The following ERP44 variants were observed in gnomAD, a reference collection of about 807,000 sequenced individuals.
ERP44 encodes the protein endoplasmic reticulum protein 44.
A neutral mutation model predicts 53.4 loss-of-function variants in ERP44; 25 were observed. That is an observed-to-expected ratio of 0.47 (90% CI 0.34 to 0.65). The LOEUF (loss-of-function observed/expected upper bound fraction) is 0.65, where lower values mean the gene tolerates loss of function less well. Among genes scored for constraint, ERP44 ranks in the 30% least tolerant of loss-of-function variants. The pLI, the probability that ERP44 is intolerant of heterozygous loss-of-function variation, is 0.01. For synonymous variants in ERP44, 145 were observed against 161.2 expected, an observed-to-expected ratio of 0.90 and a Z score of 0.76; for missense variants, 338 against 493.2, an observed-to-expected ratio of 0.69 and a Z score of 2.98.
At chr9:100,049,565 CCACTT>C (rs1284583177) in intron 4 of ERP44, among the ~76,000 whole-genome samples, 4 of 152,232 alleles carry the variant, frequency 2.6e-5, no homozygotes, top group East Asian at 1.9e-4. Context: ...CAAGGAGACA[CCACTT>C]CACACATATT....
In ERP44 at chr9:100,063,092, A is replaced by AAG. The variant is rs1554709799; in HGVS notation, c.58-2922_58-2921dup. 9.6e-4 allele frequency among the ~76,000 whole-genome samples: 140 copies of AAG among 145,184 alleles called. 1 individual carries two copies. Among genetic ancestry groups the AAG allele is most frequent in the South Asian group, 1.8e-3 (8 of 4,446 alleles). On this transcript the variant is annotated intron_variant, in intron 1 of 11. Coordinates refer to ENST00000262455, the MANE Select transcript of ERP44 (RefSeq NM_015051.3). ...CTGTCTCACAAAAAAAAAAAAAAAAAAGAGAGAGAGAGAGGGAAATTGATT... is the reference window on the plus strand; with the variant it reads ...CTGTCTCACAAAAAAAAAAAAAAAAAAGAGAGAGAGAGAGAGGGAAATTGATT...
At chr9:100,079,547 A>G (rs1472053929) in intron 1 of ERP44, among the ~76,000 whole-genome samples, 2 of 151,836 alleles carry the variant, frequency 1.3e-5, no homozygotes, top group African/African-American at 4.8e-5. Flanking sequence ...TCTTAACAGG[A>G]CTCTTTCAGT....
intron 6 of ERP44, 81 bp from the exon 7 acceptor site, chr9:100,018,394 A>G: frequency 1.2e-6 from 1 of 822,374 alleles, no homozygotes; most frequent in South Asian, 1.3e-5. Context: ...ATATATACTT[A>G]TCCATCATCT....
chr9:100,069,325 A>C (rs1826273808), intron 1 of ERP44, among the ~76,000 whole-genome samples: 1 of 115,888 alleles, frequency 8.6e-6, no homozygotes, highest in Admixed American at 1.0e-4. Flanking sequence ...AACCAAAAAA[A>C]AGAAAAAAGA....
intron 1 of ERP44, among the ~76,000 whole-genome samples, chr9:100,090,529 ACC>A (rs1826541307): frequency 6.6e-6 from 1 of 152,104 alleles, no homozygotes; most frequent in African/African-American, 2.4e-5. Context: ...TAGGTGGATC[ACC>A]TGAGGTCAGG....
intron 4 of ERP44, among the ~76,000 whole-genome samples, chr9:100,027,430 G>C (rs1830664935): frequency 6.6e-6 from 1 of 152,056 alleles, no homozygotes; most frequent in Non-Finnish European, 1.5e-5. Context: ...AGTAATCTCA[G>C]ACATAATGCT....
chr9:100,022,073 A>G lies in ERP44; in HGVS notation c.440T>C (p.Ile147Thr), dbSNP rs201258046. 2.9e-5 allele frequency: 46 copies of G among 1,613,634 alleles called. No individual in the cohort carries two copies. Among genetic ancestry groups the G allele is most frequent in the Non-Finnish European group, 3.5e-5 (41 of 1,179,878 alleles). Residue 147 changes from isoleucine to threonine, a missense_variant, in exon 5 of 12, where the codon ATT (isoleucine) becomes ACT (threonine). Coordinates refer to ENST00000262455, the MANE Select transcript of ERP44 (RefSeq NM_015051.3). ...AGTGGTGATTTCTGCTAAGTCCCGA[A>G]TTTCTTGAATGGGGTCACTTTTTTG... ...RQQKSDPIQE[I>T]RDLAEITTLD...
At chr9:100,021,112 C>G (rs1830584312) in intron 5 of ERP44, among the ~76,000 whole-genome samples, 1 of 152,188 alleles carries the variant, frequency 6.6e-6, no homozygotes, top group Non-Finnish European at 1.5e-5. Flanking sequence ...CACTCCTACC[C>G]ATCTTACTGG....
chr9:100,081,066 A>G (rs1356171186), intron 1 of ERP44, among the ~76,000 whole-genome samples: 2 of 152,096 alleles, frequency 1.3e-5, no homozygotes, highest in African/African-American at 4.8e-5. Context: ...ATACATCTAT[A>G]TCAGTAATTA....
intron 1 of ERP44, among the ~76,000 whole-genome samples, 175 bp downstream of exon 1, chr9:100,098,609 G>A (rs1051691568): frequency 1.3e-4 from 20 of 152,204 alleles, no homozygotes; most frequent in Non-Finnish European, 2.9e-5. Flanking sequence ...CTCAGGCCTC[G>A]GGGACTCCGC....
chr9:100,070,421 C>G (rs1280604351), intron 1 of ERP44, among the ~76,000 whole-genome samples: 2 of 152,182 alleles, frequency 1.3e-5, no homozygotes, highest in East Asian at 3.8e-4. Flanking sequence ...TAAAAGTCAT[C>G]CATAATTCCT....
rs377099175 is a variant in ERP44 at position 100,041,875 on chromosome 9, C to A, written c.286+10542G>T. On this transcript the variant is annotated intron_variant, in intron 4 of 11. Coordinates refer to ENST00000262455, the MANE Select transcript of ERP44 (RefSeq NM_015051.3). ...ATATGCAGAAGAATGAAACTAGACCCCTATCTCTTGCCATACACAAAAAAT... is the reference window on the plus strand; with the variant it reads ...ATATGCAGAAGAATGAAACTAGACCACTATCTCTTGCCATACACAAAAAAT... 1.6e-4 allele frequency among the ~76,000 whole-genome samples: 24 copies of A among 152,182 alleles called. 1 individual carries two copies. Among genetic ancestry groups the A allele is most frequent in the Admixed American group, 9.8e-4 (15 of 15,286 alleles).
intron 4 of ERP44, among the ~76,000 whole-genome samples, chr9:100,044,880 T>C (rs972009817): frequency 1.3e-5 from 2 of 152,166 alleles, no homozygotes; most frequent in Non-Finnish European, 2.9e-5. Context: ...ATAGACTATT[T>C]AAACAGACTA....
intron 10 of ERP44, among the ~76,000 whole-genome samples, chr9:100,003,868 G>A (rs920351483): frequency 7.9e-5 from 12 of 152,142 alleles, no homozygotes; most frequent in African/African-American, 2.9e-4. Flanking sequence ...AGATAGTCCT[G>A]GAGCTTCCGT....
chr9:100,036,342 A>C (rs1434938893), intron 4 of ERP44, among the ~76,000 whole-genome samples: 1 of 152,260 alleles, frequency 6.6e-6, no homozygotes, highest in African/African-American at 2.4e-5. Flanking sequence ...TGTCCTTTGC[A>C]GCAACCTGGA....
At chr9:100,021,134 A>T (rs550672276) in intron 5 of ERP44, among the ~76,000 whole-genome samples, 13 of 152,154 alleles carry the variant, frequency 8.5e-5, no homozygotes, top group Non-Finnish European at 1.5e-4. Context: ...TACACCAAAA[A>T]ATGCAAGACC....
chr9:100,067,928 G>A (rs539343676), intron 1 of ERP44, among the ~76,000 whole-genome samples: 2 of 149,338 alleles, frequency 1.3e-5, no homozygotes, highest in African/African-American at 2.5e-5. Context: ...CAACCACCCC[G>A]TCTGGGAAGT....
chr9:100,025,780 C>T (rs1830644470), intron 4 of ERP44, among the ~76,000 whole-genome samples: 1 of 151,904 alleles, frequency 6.6e-6, no homozygotes, highest in Admixed American at 6.6e-5. Flanking sequence ...AGTTCTTGGT[C>T]AAAATAATAA....
intron 8 of ERP44, among the ~76,000 whole-genome samples, chr9:100,010,730 G>A (rs1830466495): frequency 6.6e-6 from 1 of 151,856 alleles, no homozygotes; most frequent in South Asian, 2.1e-4. Flanking sequence ...GTGAAACCTT[G>A]TCTCTACTAA....
Sources: gnomAD v4.1 joint callset for allele counts (sites outside exome capture counted in the v4.1 genomes callset) on GRCh38, gnomAD v4.1.1 for gene constraint, MANE v1.5 for transcripts, NCBI Gene and HGNC (gene_info 2026-07-23, HGNC 2026-07-21) for gene names.